Variants in CCDC88A observed in about 807,000 individuals in gnomAD.
CCDC88A encodes coiled-coil and HOOK domain protein 88A.
CCDC88A carries 54 observed loss-of-function variants against 234.3 expected under a neutral mutation model. That is an observed-to-expected ratio of 0.23 (90% CI 0.19 to 0.29). The LOEUF (loss-of-function observed/expected upper bound fraction) is 0.29. Ranked by LOEUF, CCDC88A falls within the 10% of genes least tolerant of loss-of-function variation. The pLI, the probability that CCDC88A is intolerant of heterozygous loss-of-function variation, is 1.00. For synonymous variants in CCDC88A, 753 were observed against 737.8 expected, an observed-to-expected ratio of 1.02 and a Z score of -0.33; for missense variants, 1,832 against 2,123.4, an observed-to-expected ratio of 0.86 and a Z score of 2.70.
At chr2:55,320,926 A>G (rs925537305) in intron 18 of CCDC88A, 3 of 152,220 alleles carry the variant, frequency 2.0e-5, no homozygotes, top group Non-Finnish European at 4.4e-5. Context: ...TCTGGGCAAC[A>G]TAGTGAGACC....
chr2:55,408,264 T>C lies in CCDC88A; in HGVS notation c.164+10552A>G, dbSNP rs181697816. The stretch of plus-strand genomic sequence containing the variant: ...CCTCCTATCTTTTCACCCTCTCTCA[T>C]GCCCTCACTTCTAACCTACTCTTCC... On this transcript the variant is annotated intron_variant, in intron 2 of 32. Transcript: ENST00000436346. Among the ~76,000 whole-genome samples the C allele has an allele frequency of 2.1e-3, 314 of 152,190 alleles. 9 individuals are homozygous for C. The highest frequency in any genetic ancestry group is 7.2e-3 in the African/African-American group (297 of 41,464).
Position 55,403,648 on chromosome 2 carries a change from C to A in CCDC88A, c.165-14762G>T, listed in dbSNP as rs561633079. 2 of 152,368 alleles carry A rather than the reference C, an allele frequency of 1.3e-5. 1 individual carries two copies. The highest frequency in any genetic ancestry group is 4.1e-4 in the South Asian group (2 of 4,832). 9.4% of individuals were successfully genotyped at this position (152,368 alleles called of 1,614,324 possible). A position where few individuals can be genotyped will look rare whatever the true frequency, so the allele number is the denominator to read the frequency against. On this transcript the variant is annotated intron_variant, in intron 2 of 32. Transcript: ENST00000436346. ...ATGAAAATAATTCTGACCTGACAGACAACCTTGAAGGAATCTCTGTGCTAG... is the reference window on the plus strand; with the variant it reads ...ATGAAAATAATTCTGACCTGACAGAAAACCTTGAAGGAATCTCTGTGCTAG...
chr2:55,348,761 A>C (rs1411534832), intron 9 of CCDC88A: 3 of 152,272 alleles, frequency 2.0e-5, no homozygotes, highest in Non-Finnish European at 4.4e-5. Flanking sequence ...ACGTAAAAAA[A>C]ACCCTGCTGC....
intron 2 of CCDC88A, among the ~76,000 whole-genome samples, chr2:55,407,645 A>G (rs1371973107): frequency 6.6e-6 from 1 of 151,940 alleles, no homozygotes; most frequent in Non-Finnish European, 1.5e-5. Flanking sequence ...AAAATGTTAT[A>G]AACAATTACC....
chr2:55,375,023 G>T (rs1295902572), intron 3 of CCDC88A, 140 bp from the exon 4 acceptor site: 2 of 520,600 alleles, frequency 3.8e-6, no homozygotes, highest in Non-Finnish European at 7.1e-6. Context: ...GTTATATAAG[G>T]TCTTAAATCT....
chr2:55,384,997 A>G (rs537464845), intron 3 of CCDC88A, among the ~76,000 whole-genome samples: 1 of 152,218 alleles, frequency 6.6e-6, no homozygotes, highest in Non-Finnish European at 1.5e-5. Context: ...TTGGTTGCAC[A>G]ACAAGCAACA....
chr2:55,374,654 T>C (rs772012205), intron 4 of CCDC88A, among the ~76,000 whole-genome samples, 160 bp downstream of exon 4: 1 of 152,196 alleles, frequency 6.6e-6, no homozygotes, highest in Non-Finnish European at 1.5e-5. Flanking sequence ...TTACAAATAT[T>C]CTAAGCTTGT....
intron 18 of CCDC88A, among the ~76,000 whole-genome samples, chr2:55,319,562 T>C (rs551797103): frequency 7.9e-5 from 12 of 152,236 alleles, no homozygotes; most frequent in African/African-American, 2.9e-4. Context: ...ACAACAGACC[T>C]AACGCAGATA....
At chr2:55,413,415 C>G (rs867120521) in intron 2 of CCDC88A, among the ~76,000 whole-genome samples, 2 of 152,168 alleles carry the variant, frequency 1.3e-5, no homozygotes, top group Non-Finnish European at 2.9e-5. Flanking sequence ...GAAACATTAT[C>G]TCCCATCTTA....
At chr2:55,336,310 A>C (rs1685455130) in intron 14 of CCDC88A, among the ~76,000 whole-genome samples, 1 of 152,222 alleles carries the variant, frequency 6.6e-6, no homozygotes, top group African/African-American at 2.4e-5. Flanking sequence ...TATCCAAGAC[A>C]GTGTGGTTGC....
At position 55,317,542 on chromosome 2, in the gene CCDC88A, A is replaced by G; in HGVS notation, c.3602+22T>C. 1 of 1,502,510 alleles carries G rather than the reference A, an allele frequency of 6.7e-7. No homozygotes were observed. The highest frequency in any genetic ancestry group is 8.9e-7 in the Non-Finnish European group (1 of 1,118,240). The allele number at this position is 1,502,510 out of a possible 1,614,324, so 93.1% of individuals were successfully genotyped here. A position where few individuals can be genotyped will look rare whatever the true frequency, so the allele number is the denominator to read the frequency against. Reference sequence around the variant, plus strand: ...AGAAAATTCATTTTAAATTCACAGTACAACAAAATATAATAAATTACCGGT... The same window carrying G: ...AGAAAATTCATTTTAAATTCACAGTGCAACAAAATATAATAAATTACCGGT... On this transcript the variant is annotated intron_variant, in intron 20 of 32. Transcript: ENST00000436346. This position sits in a 1 kb window ranked among gnomAD's most constrained non-coding sequence, Gnocchi z 4.2.
intron 29 of CCDC88A, chr2:55,296,762 C>A: frequency 2.0e-6 from 1 of 507,706 alleles, no homozygotes; most frequent in Non-Finnish European, 3.5e-6. Context: ...AGGGCAAAGA[C>A]TTGCTTTTAC....
chr2:55,345,302 A>G (rs1339403963), intron 10 of CCDC88A: 1 of 152,198 alleles, frequency 6.6e-6, no homozygotes, highest in Non-Finnish European at 1.5e-5. Flanking sequence ...TTGATTTTGT[A>G]TACTCCCTCC....
intron 2 of CCDC88A, among the ~76,000 whole-genome samples, chr2:55,412,427 A>G (rs1680657429): frequency 6.6e-6 from 1 of 152,216 alleles, no homozygotes. Flanking sequence ...AAAGCCACAC[A>G]GCAGATCAGT....
intron 9 of CCDC88A, among the ~76,000 whole-genome samples, chr2:55,346,839 G>A (rs1022357961): frequency 5.9e-5 from 9 of 151,378 alleles, no homozygotes; most frequent in East Asian, 1.9e-4. Context: ...TTCCATTATC[G>A]TGGATATGTT....
chr2:55,379,740 C>T (rs539930651), intron 3 of CCDC88A, among the ~76,000 whole-genome samples: 45 of 152,054 alleles, frequency 3.0e-4, no homozygotes, highest in Non-Finnish European at 5.7e-4. Flanking sequence ...ATGGAGAAAC[C>T]TTGTCTCTAC....
At chr2:55,371,058 T>TCAGCAATAACCACCAAGCAATAAC (rs1672775076) in intron 5 of CCDC88A, among the ~76,000 whole-genome samples, 1 of 152,086 alleles carries the variant, frequency 6.6e-6, no homozygotes, top group African/African-American at 2.4e-5. Flanking sequence ...ATTCTAGTAA[T>TCAGCAATAACCACCAAGCAATAAC]CAGCAATAAC....
In CCDC88A at chr2:55,334,633, G is replaced by A; in HGVS notation, c.2188C>T (p.Leu730=). 6.2e-7 allele frequency: 1 copy of A among 1,613,572 alleles called. No homozygotes were observed. The highest frequency in any genetic ancestry group is 8.5e-7 in the Non-Finnish European group (1 of 1,179,818). The stretch of plus-strand genomic sequence containing the variant: ...TTAAGTTGCTCTTTTTCACTTTCCA[G>A]TTCTTTGTTTTCTAGCTGTAGCTGA... ...MAQLQLENKE[L]ESEKEQLKKG... The change falls in exon 15 of 33, where the codon CTG becomes TTG. Residue 730 remains leucine, a synonymous_variant. Coordinates refer to ENST00000436346, the MANE Select transcript of CCDC88A (RefSeq NM_001365480.1). This position sits in a 1 kb window ranked among gnomAD's most constrained non-coding sequence, Gnocchi z 6.1.
At chr2:55,324,184 G>A (rs987286592) in intron 17 of CCDC88A, 10 of 152,078 alleles carry the variant, frequency 6.6e-5, no homozygotes, top group African/African-American at 1.2e-4. Context: ...TTAAAATATT[G>A]TAAATTATGT....
Sources: gnomAD v4.1 joint callset for allele counts (sites outside exome capture counted in the v4.1 genomes callset) on GRCh38, gnomAD v4.1.1 for gene constraint, Gnocchi (gnomAD v3.1) non-coding constraint, MANE v1.5 for transcripts, NCBI Gene and HGNC (gene_info 2026-07-23, HGNC 2026-07-21) for gene names.